The following SLC9A9 variants were observed in gnomAD, a reference collection of about 807,000 sequenced individuals.
SLC9A9 encodes solute carrier family 9 member A9, also known as sodium/hydrogen exchanger 9.
A neutral mutation model predicts 77.8 loss-of-function variants in SLC9A9; 62 were observed. The ratio of observed to expected loss-of-function variants is 0.80; its 90% CI spans 0.65 to 0.98. SLC9A9 has a LOEUF of 0.98. SLC9A9 is among the 50% of genes least tolerant of loss of function. The pLI is 0.00. For synonymous variants in SLC9A9, 320 were observed against 283.5 expected (o/e 1.13, Z -1.29); for missense variants, 775 against 774.9 (o/e 1.00, Z 0.00).
rs1196917046 is a variant in SLC9A9 at position 143,458,216 on chromosome 3, T to G, written c.1469+8821A>C. 3.3e-5 allele frequency among the ~76,000 whole-genome samples: 5 copies of G among 152,278 alleles called. No homozygotes were observed. In the East Asian group the frequency reaches 7.7e-4, roughly 23 times the overall value. On this transcript the variant is annotated intron_variant, in intron 12 of 15. Transcript: ENST00000316549. The stretch of plus-strand genomic sequence containing the variant: ...TTTAATCCTTGGAAAATTTTCTTGC[T>G]CTCAAGACTATTTGATTTAATATAG...
At chr3:143,334,777 T>C (rs923413630) in intron 14 of SLC9A9, among the ~76,000 whole-genome samples, 6 of 152,188 alleles carry the variant, frequency 3.9e-5, no homozygotes, top group Non-Finnish European at 5.9e-5. Flanking sequence ...TAACTCATAA[T>C]GATAGCCCCA....
intron 13 of SLC9A9, among the ~76,000 whole-genome samples, chr3:143,379,300 G>C (rs1454816956): frequency 1.3e-5 from 2 of 152,176 alleles, no homozygotes; most frequent in Non-Finnish European, 2.9e-5. Context: ...GACAGGTGTT[G>C]CCAGGCAAAA....
At chr3:143,666,541 A>G (rs1427394605) in intron 5 of SLC9A9, among the ~76,000 whole-genome samples, 2 of 152,226 alleles carry the variant, frequency 1.3e-5, no homozygotes, top group Admixed American at 6.5e-5. Flanking sequence ...GAGGAAATCA[A>G]ATTGTCCCTG....
chr3:143,468,660 AC>A lies in SLC9A9; in HGVS notation c.1316-1471del, dbSNP rs1040520926. Among the ~76,000 whole-genome samples the A allele has an allele frequency of 2.8e-4, 43 of 152,370 alleles. 1 individual carries two copies. Among genetic ancestry groups the A allele is most frequent in the African/African-American group, 9.9e-4 (41 of 41,580 alleles). ...ACTTTTTAAAAATCAAATGTGTCAGACAACAAAGAAAACTAAGCTTATGGAC... is the reference window on the plus strand; with the variant it reads ...ACTTTTTAAAAATCAAATGTGTCAGAAACAAAGAAAACTAAGCTTATGGAC... On this transcript the variant is annotated intron_variant, in intron 11 of 15. Coordinates refer to ENST00000316549, the MANE Select transcript of SLC9A9 (RefSeq NM_173653.4).
At chr3:143,573,813 A>G (rs555957766) in intron 8 of SLC9A9, among the ~76,000 whole-genome samples, 2 of 152,278 alleles carry the variant, frequency 1.3e-5, no homozygotes, top group South Asian at 4.1e-4. Context: ...CCATCACACT[A>G]TAAATCAGTC....
intron 9 of SLC9A9, among the ~76,000 whole-genome samples, chr3:143,551,525 C>A (rs1262504927): frequency 2.0e-5 from 3 of 152,178 alleles, no homozygotes; most frequent in Admixed American, 1.3e-4. Flanking sequence ...CTTGTGGCTA[C>A]CTTCTACCCT....
At chr3:143,812,242 C>T (rs2008888206) in intron 2 of SLC9A9, among the ~76,000 whole-genome samples, 1 of 152,208 alleles carries the variant, frequency 6.6e-6, no homozygotes, top group Non-Finnish European at 1.5e-5. Flanking sequence ...TTCAGCAACA[C>T]CTCACCGGAG....
chr3:143,337,168 C>T (rs909611339), intron 14 of SLC9A9, among the ~76,000 whole-genome samples: 3 of 151,800 alleles, frequency 2.0e-5, no homozygotes, highest in Non-Finnish European at 4.4e-5. Context: ...GAGCAAAGAG[C>T]TATTAAATTG....
chr3:143,561,969 G>A (rs1418268372), intron 8 of SLC9A9, among the ~76,000 whole-genome samples: 2 of 152,150 alleles, frequency 1.3e-5, no homozygotes, highest in African/African-American at 4.8e-5. Flanking sequence ...AGGTAGATAT[G>A]TGCTTGCTAT....
chr3:143,608,150 T>C (rs2037959377), intron 6 of SLC9A9, among the ~76,000 whole-genome samples: 1 of 152,210 alleles, frequency 6.6e-6, no homozygotes, highest in Non-Finnish European at 1.5e-5. Context: ...AAGCAAGTTG[T>C]AAAAGGATAA....
At chr3:143,641,143 G>A (rs935501221) in intron 6 of SLC9A9, among the ~76,000 whole-genome samples, 4 of 152,088 alleles carry the variant, frequency 2.6e-5, no homozygotes, top group African/African-American at 9.7e-5. Flanking sequence ...AGATGAAGGA[G>A]AGCTTCCAGA....
chr3:143,799,239 T>A (rs1007920529), intron 2 of SLC9A9, among the ~76,000 whole-genome samples: 3 of 151,956 alleles, frequency 2.0e-5, no homozygotes, highest in Admixed American at 2.0e-4. Flanking sequence ...GATGCTTTAC[T>A]GCCCTAGACC....
chr3:143,688,979 T>C (rs1000492497), intron 5 of SLC9A9, among the ~76,000 whole-genome samples: 7 of 151,848 alleles, frequency 4.6e-5, no homozygotes, highest in Admixed American at 2.0e-4. Flanking sequence ...TACATGAATC[T>C]TACTCATAAT....
At position 143,714,654 on chromosome 3, in the gene SLC9A9, T is replaced by C. The variant is rs546485716; in HGVS notation, c.534-21347A>G. 3.9e-5 allele frequency among the ~76,000 whole-genome samples: 6 copies of C among 152,348 alleles called. No individual in the cohort carries two copies. The South Asian group carries it at 1.2e-3, about 32-fold the overall frequency. On this transcript the variant is annotated intron_variant, in intron 4 of 15. Coordinates refer to ENST00000316549, the MANE Select transcript of SLC9A9 (RefSeq NM_173653.4). ...AACGCCAAAATACTTAACATGGTTATGCCCTCCAAGATCCATTCTCCACCC... is the reference window on the plus strand; with the variant it reads ...AACGCCAAAATACTTAACATGGTTACGCCCTCCAAGATCCATTCTCCACCC...
At chr3:143,757,408 T>C (rs1576705545) in intron 4 of SLC9A9, among the ~76,000 whole-genome samples, 1 of 152,040 alleles carries the variant, frequency 6.6e-6, no homozygotes, top group African/African-American at 2.4e-5. Flanking sequence ...ACAAAACACA[T>C]CTCCTGGCCA....
chr3:143,393,178 T>C (rs530041256), intron 12 of SLC9A9, among the ~76,000 whole-genome samples: 5 of 152,300 alleles, frequency 3.3e-5, no homozygotes, highest in Admixed American at 1.3e-4. Context: ...TATTCCAAAA[T>C]TGACCACATA....
At chr3:143,519,964 A>C (rs1321701415) in intron 9 of SLC9A9, among the ~76,000 whole-genome samples, 1 of 152,194 alleles carries the variant, frequency 6.6e-6, no homozygotes, top group East Asian at 1.9e-4. Flanking sequence ...GTGAAGTTTA[A>C]GATGCATAAT....
At chr3:143,530,365 T>G (rs2036485565) in intron 9 of SLC9A9, among the ~76,000 whole-genome samples, 1 of 152,034 alleles carries the variant, frequency 6.6e-6, no homozygotes, top group South Asian at 2.1e-4. Context: ...GAACTGATGG[T>G]TTTATAAAGG....
intron 4 of SLC9A9, among the ~76,000 whole-genome samples, chr3:143,793,472 A>G (rs1047351702): frequency 5.9e-5 from 9 of 152,240 alleles, no homozygotes; most frequent in Admixed American, 6.5e-5. Flanking sequence ...TGGATCCATT[A>G]TAAATTTCAA....
Sources: allele counts gnomAD v4.1 joint callset (sites outside exome capture counted in the v4.1 genomes callset), GRCh38; gene constraint gnomAD v4.1.1; transcripts MANE v1.5; gene names NCBI Gene and HGNC (gene_info 2026-07-23, HGNC 2026-07-21).